The following MIGA1 variants were observed in gnomAD, a reference collection of about 807,000 sequenced individuals.
MIGA1 encodes family with sequence similarity 73, member A.
Under a neutral mutation model 82.0 loss-of-function variants are expected in MIGA1, and 58 were observed. The observed-to-expected ratio is 0.71, with a 90% CI of 0.57 to 0.88. The LOEUF is 0.88. Among genes scored for constraint, MIGA1 ranks in the 40% least tolerant of loss-of-function variants. The pLI is 0.00. For missense variants in MIGA1, 751 were observed against 749.1 expected (o/e 1.00, Z -0.03); for synonymous variants, 249 against 253.6 (o/e 0.98, Z 0.17).
chr1:77,866,600 T>C (rs1685678343), intron 14 of MIGA1, among the ~76,000 whole-genome samples: 1 of 152,036 alleles, frequency 6.6e-6, no homozygotes, highest in Non-Finnish European at 1.5e-5. Context: ...GCATGCATGG[T>C]ATTTCAGCTA....
chr1:77,879,286 A>G lies in MIGA1; in HGVS notation c.*4222A>G, dbSNP rs374018057. On this transcript the variant is annotated 3_prime_UTR_variant, in exon 16 of 16. Transcript: ENST00000370791. Reference sequence around the variant, plus strand: ...TTTATATAATCTGTGATTAGTGGAAATAAGAACATCCCTACTTTGTTCCTA... The same window carrying G: ...TTTATATAATCTGTGATTAGTGGAAGTAAGAACATCCCTACTTTGTTCCTA... The G allele has an allele frequency of 2.0e-5, 3 of 152,214 alleles. No individual in the cohort carries two copies. The East Asian group carries it at 5.8e-4, about 29-fold the overall frequency. The allele number at this position is 152,214 out of a possible 1,614,324, so 9.4% of individuals were successfully genotyped here.
chr1:77,836,939 A>G (rs2101873491), intron 7 of MIGA1, among the ~76,000 whole-genome samples: 1 of 152,340 alleles, frequency 6.6e-6, no homozygotes, highest in South Asian at 2.1e-4. Flanking sequence ...AAAACTCAAT[A>G]TACATAATTA....
At chr1:77,789,190 G>A (rs1682301802) in intron 2 of MIGA1, among the ~76,000 whole-genome samples, 1 of 147,786 alleles carries the variant, frequency 6.8e-6, no homozygotes, top group South Asian at 2.1e-4. Context: ...TGGAATTGTG[G>A]GGGGCGGTTG....
At chr1:77,782,873 A>C (rs1028323560) in intron 1 of MIGA1, 23 of 984,568 alleles carry the variant, frequency 2.3e-5, no homozygotes, top group Non-Finnish European at 2.7e-5. Flanking sequence ...AAGGAAACCA[A>C]ATGAATGAGA....
intron 15 of MIGA1, 55 bp from the exon 16 acceptor site, chr1:77,874,791 T>C: frequency 6.4e-6 from 8 of 1,248,914 alleles, no homozygotes; most frequent in Non-Finnish European, 8.1e-6. Context: ...TTAGAAGCTT[T>C]CTCAATGTAA....
chr1:77,871,659 A>G (rs1234768705), intron 14 of MIGA1, among the ~76,000 whole-genome samples: 1 of 152,206 alleles, frequency 6.6e-6, no homozygotes. Context: ...TTAACAAGGG[A>G]AATTCAAAAA....
At chr1:77,815,261 G>C in intron 7 of MIGA1, 30 bp downstream of exon 7, 1 of 1,511,524 alleles carries the variant, frequency 6.6e-7, no homozygotes, top group Non-Finnish European at 8.9e-7. Context: ...TGGCTTTTAT[G>C]AAATGTTTAC....
intron 1 of MIGA1, among the ~76,000 whole-genome samples, chr1:77,781,853 A>G (rs566686413): frequency 6.6e-6 from 1 of 152,350 alleles, no homozygotes; most frequent in East Asian, 1.9e-4. Flanking sequence ...AAAGGAAACC[A>G]CTACTTAATC....
intron 12 of MIGA1, 149 bp downstream of exon 12, chr1:77,861,471 C>T: frequency 1.7e-6 from 1 of 596,870 alleles, no homozygotes; most frequent in South Asian, 2.2e-5. Context: ...TCATAAACCA[C>T]ACTCCTTGTA....
At position 77,879,317 on chromosome 1, in the gene MIGA1, T is replaced by C. The variant is rs1029371633; in HGVS notation, c.*4253T>C. The C allele has an allele frequency of 6.6e-6, 1 of 152,178 alleles. No homozygotes were observed. Among genetic ancestry groups the C allele is most frequent in the African/African-American group, 2.4e-5 (1 of 41,460 alleles). 9.4% of individuals were successfully genotyped at this position (152,178 alleles called of 1,614,324 possible). ...ACATCCCTACTTTGTTCCTAATGAG[T>C]ATATTATGTTATTGTTTTGTTTAGT... is the stretch of plus-strand genomic sequence containing the variant. On this transcript the variant is annotated 3_prime_UTR_variant, in exon 16 of 16. Coordinates refer to ENST00000370791, the MANE Select transcript of MIGA1 (RefSeq NM_198549.4).
chr1:77,848,503 A>G (rs1684927471), intron 8 of MIGA1: 4 of 1,156,988 alleles, frequency 3.5e-6, no homozygotes, highest in African/African-American at 1.6e-5. Context: ...AAGCAGCCCA[A>G]GTTCTAGGGC....
rs778601298 is a variant in MIGA1 at position 77,843,383 on chromosome 1, G to A, written c.972G>A (p.Thr324=). The A allele has an allele frequency of 1.4e-5, 22 of 1,613,806 alleles. No individual in the cohort carries two copies. In the Admixed American group the frequency reaches 1.8e-4, roughly 13 times the overall value. ...GAGACACCTTGAGCATCGCATCCAC[G>A]GATTCCTTTGCTTCCGCAGCAGAGG... The change falls in exon 8 of 16, where the codon ACG becomes ACA. Residue 324 remains threonine, a synonymous_variant. Coordinates refer to ENST00000370791, the MANE Select transcript of MIGA1 (RefSeq NM_198549.4).
intron 15 of MIGA1, among the ~76,000 whole-genome samples, 153 bp from the exon 16 acceptor site, chr1:77,874,693 A>T (rs1274058272): frequency 6.6e-6 from 1 of 152,170 alleles, no homozygotes; most frequent in Middle Eastern, 3.2e-3. Context: ...AGGTTAAATC[A>T]CTTGTGCAAG....
intron 7 of MIGA1, among the ~76,000 whole-genome samples, chr1:77,836,255 A>G (rs1312677605): frequency 2.0e-5 from 3 of 152,224 alleles, no homozygotes; most frequent in African/African-American, 7.2e-5. Flanking sequence ...ATATTGAGGA[A>G]CAGAGAAGAT....
At chr1:77,803,166 A>G in intron 3 of MIGA1, 104 bp from the exon 4 acceptor site, 1 of 605,208 alleles carries the variant, frequency 1.7e-6, no homozygotes. Flanking sequence ...ATGTTTTAAA[A>G]TTAGAAGCTT....
At chr1:77,782,644 T>C in intron 1 of MIGA1, among the ~76,000 whole-genome samples, 1 of 152,218 alleles carries the variant, frequency 6.6e-6, no homozygotes, top group East Asian at 1.9e-4. Context: ...TGACTTTTCT[T>C]TTTTTGTTTA....
chr1:77,862,881 C>T (rs528529501), intron 12 of MIGA1, among the ~76,000 whole-genome samples: 2 of 149,688 alleles, frequency 1.3e-5, no homozygotes, highest in South Asian at 4.2e-4. Context: ...GTGGAGGCTG[C>T]AGTAAGCCGA....
intron 7 of MIGA1, among the ~76,000 whole-genome samples, chr1:77,840,420 A>G (rs1684585441): frequency 1.3e-5 from 2 of 152,222 alleles, no homozygotes; most frequent in Admixed American, 1.3e-4. Context: ...GTAATGTCTG[A>G]GAGGTAAAGT....
At chr1:77,801,653 G>A (rs1360182045) in intron 3 of MIGA1, 145 bp downstream of exon 3, 2 of 676,988 alleles carry the variant, frequency 3.0e-6, no homozygotes, top group Non-Finnish European at 4.4e-6. Flanking sequence ...AGAAAGATTA[G>A]AAAATGTAGA....
Sources: gnomAD v4.1 joint callset for allele counts (sites outside exome capture counted in the v4.1 genomes callset) on GRCh38, gnomAD v4.1.1 for gene constraint, MANE v1.5 for transcripts, NCBI Gene and HGNC (gene_info 2026-07-23, HGNC 2026-07-21) for gene names.